Variants in HEATR3 observed in about 807,000 individuals in gnomAD.
The protein encoded by HEATR3 is HEAT repeat-containing protein 3.
In HEATR3, 56 loss-of-function variants were observed where a neutral mutation model predicts 72.8. That is an observed-to-expected ratio of 0.77 (90% CI 0.62 to 0.96). The LOEUF is 0.96. HEATR3 is among the 40% of genes least tolerant of loss of function. The pLI is 0.00. For missense variants in HEATR3, 747 were observed against 831.4 expected (o/e 0.90, Z 1.25); for synonymous variants, 331 against 318.1 (o/e 1.04, Z -0.43).
At chr16:50,093,115 A>G (rs1028786713) in intron 11 of HEATR3, among the ~76,000 whole-genome samples, 2 of 152,180 alleles carry the variant, frequency 1.3e-5, no homozygotes, top group African/African-American at 4.8e-5. Context: ...GGTACATAAT[A>G]CATATCTGAA....
Position 50,073,925 on chromosome 16 carries a change from T to C in HEATR3, c.622+1211T>C, listed in dbSNP as rs1488778269. ...TCTAAAGTCAAGCAATGCTTACATA[T>C]AGTAAAATGAACTTATAAGATTCCA... On this transcript the variant is annotated intron_variant, in intron 5 of 14. Transcript: ENST00000299192. The C allele has an allele frequency of 2.0e-5, 3 of 152,354 alleles. No individual in the cohort carries two copies. In the East Asian group the frequency reaches 5.8e-4, roughly 29 times the overall value. 9.4% of individuals were successfully genotyped at this position (152,354 alleles called of 1,614,324 possible). A position where few individuals can be genotyped will look rare whatever the true frequency, so the allele number is the denominator to read the frequency against.
intron 11 of HEATR3, among the ~76,000 whole-genome samples, chr16:50,091,100 C>T: frequency 6.6e-6 from 1 of 151,288 alleles, no homozygotes; most frequent in East Asian, 2.0e-4. Flanking sequence ...GCCAAGATTG[C>T]ACCACTGCAC....
intron 2 of HEATR3, among the ~76,000 whole-genome samples, chr16:50,067,238 C>T (rs1020871358): frequency 1.3e-5 from 2 of 151,850 alleles, no homozygotes; most frequent in Non-Finnish European, 2.9e-5. Flanking sequence ...GCCTGTAATC[C>T]CAGCTACTCA....
At chr16:50,066,887 C>CG (rs2036509511) in intron 2 of HEATR3, 3 of 252,652 alleles carry the variant, frequency 1.2e-5, no homozygotes, top group African/African-American at 6.7e-5. Context: ...GGACTTTGAG[C>CG]AGCCAAGACT....
In HEATR3 at chr16:50,106,645, C is replaced by T. The variant is rs1392205332; in HGVS notation, c.*1584C>T. ...CCTCTGAACCGGCTTCATTGTCCAT[C>T]CGTTTGCCTGATGAGAAGGGAAATT... On this transcript the variant is annotated 3_prime_UTR_variant, in exon 15 of 15. Coordinates refer to ENST00000299192, the MANE Select transcript of HEATR3 (RefSeq NM_182922.4). The T allele has an allele frequency of 6.6e-6, 1 of 152,094 alleles. No homozygotes were observed. Among genetic ancestry groups the T allele is most frequent in the East Asian group, 1.9e-4 (1 of 5,186 alleles). 9.4% of individuals were successfully genotyped at this position (152,094 alleles called of 1,614,324 possible). A position where few individuals can be genotyped will look rare whatever the true frequency, so the allele number is the denominator to read the frequency against.
In HEATR3 at chr16:50,105,297, A is replaced by C. The variant is rs575562698; in HGVS notation, c.*236A>C. ...TCAGGAGTTTGAGGCCAGCCTGGCCAACATGGTGAAACCGCATGCATAAGC... is the reference window on the plus strand; with the variant it reads ...TCAGGAGTTTGAGGCCAGCCTGGCCCACATGGTGAAACCGCATGCATAAGC... On this transcript the variant is annotated 3_prime_UTR_variant, in exon 15 of 15. Transcript: ENST00000299192. 4.1e-5 allele frequency: 16 copies of C among 393,326 alleles called. No homozygotes were observed. Among genetic ancestry groups the C allele is most frequent in the South Asian group, 3.8e-4 (16 of 42,320 alleles). 24.4% of individuals were successfully genotyped at this position (393,326 alleles called of 1,614,324 possible). A position where few individuals can be genotyped will look rare whatever the true frequency, so the allele number is the denominator to read the frequency against.
intron 14 of HEATR3, among the ~76,000 whole-genome samples, chr16:50,103,723 C>T (rs1024437683): frequency 6.6e-6 from 1 of 152,148 alleles, no homozygotes; most frequent in African/African-American, 2.4e-5. Flanking sequence ...AGATTCCATA[C>T]AATTGATATA....
chr16:50,104,915 T>C (rs752631224), intron 14 of HEATR3, 24 bp from the exon 15 acceptor site: 4 of 1,563,334 alleles, frequency 2.6e-6, no homozygotes, highest in Non-Finnish European at 2.6e-6. Context: ...AAGTCATATA[T>C]GATTTTTTGT....
In HEATR3 at chr16:50,102,367, G is replaced by A. The variant is rs145036990; in HGVS notation, c.1852G>A (p.Glu618Lys). The A allele has an allele frequency of 2.6e-5, 42 of 1,613,988 alleles. No individual in the cohort carries two copies. In the Admixed American group the frequency reaches 3.8e-4, roughly 15 times the overall value. ...TGTTTTTGCAGATGGTAAAGAAGCCGAAAGAGCCTCGATTCAAATTAAATT... is the reference window on the plus strand; with the variant it reads ...TGTTTTTGCAGATGGTAAAGAAGCCAAAAGAGCCTCGATTCAAATTAAATT... ...FDVFADGKEAERASIQIKLLS... is the reference protein window; with the variant it reads ...FDVFADGKEAKRASIQIKLLS... The change falls in exon 14 of 15, where the codon GAA (glutamate) becomes AAA (lysine). Residue 618 changes from glutamate to lysine, a missense_variant. By Grantham distance (56) the Glu-to-Lys change is moderately conservative. Coordinates refer to ENST00000299192, the MANE Select transcript of HEATR3 (RefSeq NM_182922.4).
rs750479072 is a variant in HEATR3 at position 50,094,798 on chromosome 16, G to C, written c.1599+5G>C. 6.3e-7 allele frequency: 1 copy of C among 1,578,716 alleles called. No homozygotes were observed. The highest frequency in any genetic ancestry group is 2.3e-5 in the East Asian group (1 of 43,802). ...GCCTCCAAGAACATTTCCCAGGTAAGAGTTTTAAAATTTTTTGTATGAAAC... is the reference window on the plus strand; with the variant it reads ...GCCTCCAAGAACATTTCCCAGGTAACAGTTTTAAAATTTTTTGTATGAAAC... On this transcript the variant is annotated splice_donor_5th_base_variant and intron_variant, in intron 12 of 14. Transcript: ENST00000299192.
intron 13 of HEATR3, among the ~76,000 whole-genome samples, 194 bp from the exon 14 acceptor site, chr16:50,102,065 A>G (rs762522010): frequency 1.9e-4 from 29 of 152,218 alleles, no homozygotes; most frequent in Non-Finnish European, 2.9e-4. Context: ...TTATGAATAT[A>G]AACTATAATA....
At chr16:50,096,834 T>G (rs1490384404) in intron 12 of HEATR3, among the ~76,000 whole-genome samples, 1 of 152,194 alleles carries the variant, frequency 6.6e-6, no homozygotes, top group Non-Finnish European at 1.5e-5. Context: ...TTCAGTGGTT[T>G]TAGTATATTC....
chr16:50,078,209 C>T (rs2036783632), intron 6 of HEATR3, among the ~76,000 whole-genome samples: 1 of 152,002 alleles, frequency 6.6e-6, no homozygotes, highest in Non-Finnish European at 1.5e-5. Flanking sequence ...TCCCTGCTTT[C>T]AGTTCTTTTG....
At chr16:50,096,668 A>G (rs2150624074) in intron 12 of HEATR3, among the ~76,000 whole-genome samples, 1 of 152,054 alleles carries the variant, frequency 6.6e-6, no homozygotes, top group East Asian at 2.0e-4. Flanking sequence ...GCATGGTGGC[A>G]GGCACCTGTA....
chr16:50,091,476 A>G (rs1202714740), intron 11 of HEATR3, among the ~76,000 whole-genome samples: 1 of 151,970 alleles, frequency 6.6e-6, no homozygotes, highest in African/African-American at 2.4e-5. Context: ...AAAAAACATA[A>G]TAATAATAAA....
chr16:50,102,102 GTATGTT>G lies in HEATR3; in HGVS notation c.1744-153_1744-148del, dbSNP rs933487149. On this transcript the variant is annotated intron_variant, in intron 13 of 14. Transcript: ENST00000299192. ...GTTTAATTTATCTTGCTTATACTTG[GTATGTT>G]TATAAGTATTTAAGTCTAATCTCTT... 1.4e-3 allele frequency among the ~76,000 whole-genome samples: 214 copies of G among 152,068 alleles called. 1 individual carries two copies. The highest frequency in any genetic ancestry group is 5.2e-3 in the African/African-American group (214 of 41,464).
chr16:50,100,950 T>C (rs1702489486), intron 13 of HEATR3, among the ~76,000 whole-genome samples: 1 of 152,164 alleles, frequency 6.6e-6, no homozygotes, highest in Non-Finnish European at 1.5e-5. Flanking sequence ...AGGACAGTCA[T>C]AGTAACATTA....
At chr16:50,098,444 A>C (rs1157094792) in intron 12 of HEATR3, 2 of 152,166 alleles carry the variant, frequency 1.3e-5, no homozygotes, top group Non-Finnish European at 2.9e-5. Context: ...TCACAAGGTC[A>C]GGAGATCAAG....
chr16:50,073,833 A>G (rs979920995), intron 5 of HEATR3: 2 of 152,206 alleles, frequency 1.3e-5, no homozygotes, highest in Non-Finnish European at 2.9e-5. Flanking sequence ...TTTGCATTGT[A>G]TAATAGTGTT....
Sources: gnomAD v4.1 joint callset for allele counts (sites outside exome capture counted in the v4.1 genomes callset) on GRCh38, gnomAD v4.1.1 for gene constraint, MANE v1.5 for transcripts, NCBI Gene and HGNC (gene_info 2026-07-23, HGNC 2026-07-21) for gene names.